Variants in CAPN8 observed in about 807,000 individuals in gnomAD.
The protein encoded by CAPN8 is calpain-8.
In CAPN8, 87 loss-of-function variants were observed where a neutral mutation model predicts 80.9. That is an observed-to-expected ratio of 1.07 (90% CI 0.90 to 1.28). The LOEUF (loss-of-function observed/expected upper bound fraction) is 1.28, where lower values mean the gene tolerates loss of function less well. CAPN8 is among the 50% of genes most tolerant of loss of function. CAPN8 has a pLI of 0.00. For synonymous variants in CAPN8, 299 were observed against 273.8 expected (o/e 1.09, Z -0.91); for missense variants, 757 against 702.0 (o/e 1.08, Z -0.89).
intron 6 of CAPN8, 26 bp from the exon 7 acceptor site, chr1:223,622,926 G>C: frequency 6.5e-7 from 1 of 1,528,756 alleles, no homozygotes; most frequent in Non-Finnish European, 8.9e-7. Context: ...ACAGAAAAGC[G>C]ACTGAATTAC....
At chr1:223,640,452 T>C (rs1036747899) in intron 2 of CAPN8, among the ~76,000 whole-genome samples, 6 of 152,106 alleles carry the variant, frequency 3.9e-5, no homozygotes, top group South Asian at 2.1e-4. Flanking sequence ...CACCCCTCTG[T>C]TTGGTATAGG....
chr1:223,637,356 G>A lies in CAPN8; in HGVS notation c.308-8576C>T, dbSNP rs569956982. ...AGCCCTGGAGCACAGATGCCTACCAGCCCTGGTAACGCCTGGCTCCAGCTC... is the reference window on the plus strand; with the variant it reads ...AGCCCTGGAGCACAGATGCCTACCAACCCTGGTAACGCCTGGCTCCAGCTC... On this transcript the variant is annotated intron_variant, in intron 2 of 20. Coordinates refer to ENST00000366872, the MANE Select transcript of CAPN8 (RefSeq NM_001143962.2). Among the ~76,000 whole-genome samples the A allele has an allele frequency of 2.4e-4, 37 of 152,198 alleles. 1 individual carries two copies. In the South Asian group the frequency reaches 3.1e-3, roughly 13 times the overall value.
At chr1:223,633,004 C>CAGGTGCAAGATGA (rs1422659896) in intron 2 of CAPN8, among the ~76,000 whole-genome samples, 1 of 152,180 alleles carries the variant, frequency 6.6e-6, no homozygotes, top group Non-Finnish European at 1.5e-5. Context: ...CCCAAGGCTG[C>CAGGTGCAAGATGA]AGGTGCAAGA....
intron 2 of CAPN8, among the ~76,000 whole-genome samples, chr1:223,645,181 T>C (rs576389417): frequency 2.0e-4 from 31 of 152,112 alleles, no homozygotes; most frequent in Non-Finnish European, 4.0e-4. Context: ...GCAGGAAGCA[T>C]CCAGCGCAGA....
In CAPN8 at chr1:223,634,055, T is replaced by C. The variant is rs544560779; in HGVS notation, c.308-5275A>G. ...GGGAACATGTATGCCCTGCTGCCCA[T>C]TCAGGAATCCAGAAGCAGAGTAAAG... On this transcript the variant is annotated intron_variant, in intron 2 of 20. Coordinates refer to ENST00000366872, the MANE Select transcript of CAPN8 (RefSeq NM_001143962.2). 8.5e-5 allele frequency among the ~76,000 whole-genome samples: 13 copies of C among 152,258 alleles called. No homozygotes were observed. In the South Asian group the frequency reaches 2.5e-3, roughly 29 times the overall value.
intron 1 of CAPN8, among the ~76,000 whole-genome samples, chr1:223,663,032 C>T (rs926157511): frequency 2.6e-5 from 4 of 152,206 alleles, no homozygotes; most frequent in South Asian, 2.1e-4. Flanking sequence ...TTTTGACACG[C>T]ATTTATTTAC....
intron 15 of CAPN8, 72 bp downstream of exon 15, chr1:223,550,888 C>T (rs1656768094): frequency 1.4e-6 from 1 of 697,460 alleles, no homozygotes; most frequent in African/African-American, 1.8e-5. Flanking sequence ...AGCCCAATGC[C>T]TGCCTACCCA....
At chr1:223,549,273 G>C (rs1439166210) in intron 16 of CAPN8, 45 bp downstream of exon 16, 6 of 1,527,060 alleles carry the variant, frequency 3.9e-6, no homozygotes, top group Non-Finnish European at 4.4e-6. Flanking sequence ...TTTAAAAACC[G>C]GACGAAAGTA....
chr1:223,650,812 C>A (rs532484991), intron 2 of CAPN8, among the ~76,000 whole-genome samples: 11 of 152,200 alleles, frequency 7.2e-5, no homozygotes, highest in Admixed American at 1.3e-4. Flanking sequence ...GTATGACTTA[C>A]TATAAGGGGG....
chr1:223,624,870 A>G (rs1173757736), intron 6 of CAPN8, among the ~76,000 whole-genome samples: 1 of 152,250 alleles, frequency 6.6e-6, no homozygotes, highest in East Asian at 1.9e-4. Flanking sequence ...CGAGGCGGGC[A>G]GATCATGAGG....
intron 5 of CAPN8, among the ~76,000 whole-genome samples, chr1:223,626,170 G>C (rs1283752678): frequency 1.3e-5 from 2 of 152,006 alleles, no homozygotes; most frequent in Admixed American, 6.6e-5. Flanking sequence ...TATTCTCTGA[G>C]AGTGACCCCC....
At chr1:223,641,672 A>C (rs577504184) in intron 2 of CAPN8, among the ~76,000 whole-genome samples, 1 of 152,234 alleles carries the variant, frequency 6.6e-6, no homozygotes, top group African/African-American at 2.4e-5. Flanking sequence ...CCCTGTTTGC[A>C]CCAGTCCTAC....
intron 2 of CAPN8, among the ~76,000 whole-genome samples, chr1:223,634,267 G>A (rs1343981406): frequency 3.3e-5 from 5 of 152,186 alleles, no homozygotes; most frequent in African/African-American, 1.2e-4. Flanking sequence ...CATGTCTGCA[G>A]CAGTAAGGAG....
chr1:223,552,001 T>C (rs1656799132), intron 14 of CAPN8, among the ~76,000 whole-genome samples: 1 of 152,184 alleles, frequency 6.6e-6, no homozygotes, highest in African/African-American at 2.4e-5. Context: ...AGTCATCCCT[T>C]AACTCTCAGA....
chr1:223,637,129 C>T (rs1657913382), intron 2 of CAPN8, among the ~76,000 whole-genome samples: 1 of 152,226 alleles, frequency 6.6e-6, no homozygotes, highest in Admixed American at 6.5e-5. Flanking sequence ...GAGAGACTGA[C>T]TTTTTGACCT....
chr1:223,612,849 G>A (rs904552119), intron 10 of CAPN8, among the ~76,000 whole-genome samples: 1 of 152,216 alleles, frequency 6.6e-6, no homozygotes, highest in African/African-American at 2.4e-5. Context: ...CAGCACTAGA[G>A]AGGAGATGTG....
chr1:223,609,331 C>T lies in CAPN8; in HGVS notation c.1357G>A (p.Asp453Asn), dbSNP rs1326333433. Reference protein sequence around the residue: ...ESHTDAHLGRDFFLAYQPSAR... With the variant: ...ESHTDAHLGRNFFLAYQPSAR... ...GAGGGCTGGTAGGCCAGGAAGAAAT[C>T]CCGGCCCAAGTGTGCGTCCGTGTGA... Residue 453 changes from aspartate (D) to asparagine (N), a missense_variant, in exon 12 of 21, where the codon GAT becomes AAT. Coordinates refer to ENST00000366872, the MANE Select transcript of CAPN8 (RefSeq NM_001143962.2). 3 of 398,548 alleles carry T rather than the reference C, an allele frequency of 7.5e-6. No individual in the cohort carries two copies. Among genetic ancestry groups the T allele is most frequent in the Non-Finnish European group, 1.3e-5 (3 of 226,052 alleles). 24.7% of individuals were successfully genotyped at this position (398,548 alleles called of 1,614,324 possible).
intron 11 of CAPN8, 24 bp from the exon 12 acceptor site, chr1:223,609,388 C>A (rs1201453159): frequency 5.0e-6 from 2 of 398,546 alleles, no homozygotes; most frequent in Admixed American, 4.4e-5. Flanking sequence ...TAAGCAGAGT[C>A]AATTTCTTGT....
chr1:223,639,668 C>T (rs140356116), intron 2 of CAPN8, among the ~76,000 whole-genome samples: 30 of 152,388 alleles, frequency 2.0e-4, no homozygotes, highest in African/African-American at 6.5e-4. Context: ...TGAACCTCTT[C>T]TGGTTTTGAG....
Sources: allele counts gnomAD v4.1 joint callset (sites outside exome capture counted in the v4.1 genomes callset), GRCh38; gene constraint gnomAD v4.1.1; transcripts MANE v1.5; gene names NCBI Gene and HGNC (gene_info 2026-07-23, HGNC 2026-07-21).